Variants in TAF15 observed in about 807,000 individuals in gnomAD.
TAF15 encodes the protein TATA-binding protein-associated factor 2N.
A neutral mutation model predicts 102.5 loss-of-function variants in TAF15; 37 were observed. The observed-to-expected ratio is 0.36, with a 90% CI of 0.28 to 0.47. The LOEUF is 0.47. Among genes scored for constraint, TAF15 ranks in the 20% least tolerant of loss-of-function variants. TAF15 has a pLI of 0.99. For missense variants in TAF15, 652 were observed against 760.7 expected, an observed-to-expected ratio of 0.86 and a Z score of 1.68; for synonymous variants, 273 against 259.2, an observed-to-expected ratio of 1.05 and a Z score of -0.51.
rs766115217 is a variant in TAF15, at chr17:35,819,540, T to G, written c.48-484T>G. On this transcript the variant is annotated intron_variant, in intron 2 of 15. Coordinates refer to ENST00000605844, the MANE Select transcript of TAF15 (RefSeq NM_139215.3). ...TATTGAGACTTTTAAACTGGACTTC[T>G]AGTGCCTCCCTGTGCATCTTTTAGG... is the stretch of plus-strand genomic sequence containing the variant. 1.6e-4 allele frequency among the ~76,000 whole-genome samples: 24 copies of G among 152,200 alleles called. 1 individual carries two copies. The highest frequency in any genetic ancestry group is 1.2e-3 in the South Asian group (6 of 4,832).
intron 11 of TAF15, among the ~76,000 whole-genome samples, chr17:35,839,016 A>C (rs1352431804): frequency 6.6e-6 from 1 of 152,068 alleles, no homozygotes; most frequent in Non-Finnish European, 1.5e-5. Context: ...CTATAATCCC[A>C]GTGCTTTGGG....
intron 7 of TAF15, among the ~76,000 whole-genome samples, chr17:35,827,788 G>C (rs532644242): frequency 1.3e-5 from 2 of 152,288 alleles, no homozygotes; most frequent in Admixed American, 1.3e-4. Flanking sequence ...CTTACAGATG[G>C]TGTGATTGCC....
intron 12 of TAF15, among the ~76,000 whole-genome samples, chr17:35,842,711 C>T (rs1198501452): frequency 6.6e-6 from 1 of 151,852 alleles, no homozygotes; most frequent in Non-Finnish European, 1.5e-5. Context: ...ACTTGGAAAT[C>T]AGGAGGCAAT....
At chr17:35,843,812 C>T (rs1346442151) in intron 12 of TAF15, among the ~76,000 whole-genome samples, 1 of 152,158 alleles carries the variant, frequency 6.6e-6, no homozygotes, top group Non-Finnish European at 1.5e-5. Context: ...GGAAGGGATA[C>T]TCAACCTGTA....
intron 11 of TAF15, among the ~76,000 whole-genome samples, chr17:35,839,370 CTTT>C (rs562461506): frequency 5.7e-5 from 3 of 52,412 alleles, no homozygotes; most frequent in African/African-American, 1.8e-4. Context: ...AAGAAATAGA[CTTT>C]TTTTTTTTTT....
intron 7 of TAF15, among the ~76,000 whole-genome samples, chr17:35,833,289 A>G (rs1396034100): frequency 6.6e-6 from 1 of 152,194 alleles, no homozygotes; most frequent in Middle Eastern, 3.2e-3. Flanking sequence ...TATAGTGGGT[A>G]TAGAGTAGGA....
chr17:35,839,193 A>T (rs2087511258), intron 11 of TAF15, among the ~76,000 whole-genome samples: 1 of 148,496 alleles, frequency 6.7e-6, no homozygotes, highest in African/African-American at 2.5e-5. Flanking sequence ...AGGTGGGAGG[A>T]TCACTTGGGC....
chr17:35,838,347 A>G (rs1363927002), intron 10 of TAF15, 77 bp from the exon 11 acceptor site: 18 of 1,584,342 alleles, frequency 1.1e-5, no homozygotes, highest in Admixed American at 1.7e-5. Context: ...TAAAAAAAAT[A>G]AATCTTTGAT....
At position 35,820,332 on chromosome 17, in the gene TAF15, G is replaced by T. The variant is rs1233999736; in HGVS notation, c.185G>T (p.Gly62Val). The T allele has an allele frequency of 3.1e-6, 5 of 1,613,872 alleles. No individual in the cohort carries two copies. Among genetic ancestry groups the T allele is most frequent in the Non-Finnish European group, 4.2e-6 (5 of 1,179,866 alleles). Reference protein sequence around the residue: ...GYSSYGQSQSGYSQSYGGYEN... With the variant: ...GYSSYGQSQSVYSQSYGGYEN... Reference sequence around the variant, plus strand: ...AATGATATACTCATCTAATCTTTAGGTTATTCACAGTCCTATGGTGGTTAT... The same window carrying T: ...AATGATATACTCATCTAATCTTTAGTTTATTCACAGTCCTATGGTGGTTAT... Residue 62 changes from glycine (G) to valine (V), a missense_variant and splice_region_variant, in exon 5 of 16, where the codon GGT becomes GTT. By Grantham distance (109) the Gly-to-Val change is moderately radical (BLOSUM62 -3). This residue lies in a region of TAF15 where 243 missense variants were observed against 284.1 expected (regional missense o/e 0.86). Coordinates refer to ENST00000605844, the MANE Select transcript of TAF15 (RefSeq NM_139215.3).
intron 6 of TAF15, chr17:35,823,644 G>T (rs1262500210): frequency 1.0e-5 from 2 of 197,178 alleles, no homozygotes; most frequent in Non-Finnish European, 1.0e-5. Context: ...GGCAGAGCTT[G>T]CAGTGAGCCG....
chr17:35,811,037 G>T (rs952218661), intron 1 of TAF15: 2 of 152,178 alleles, frequency 1.3e-5, no homozygotes, highest in African/African-American at 4.8e-5. Flanking sequence ...CTCCTTAGAA[G>T]TTCTTATAGT....
intron 1 of TAF15, among the ~76,000 whole-genome samples, chr17:35,812,755 G>C (rs1443910461): frequency 6.6e-6 from 1 of 152,088 alleles, no homozygotes; most frequent in Non-Finnish European, 1.5e-5. Context: ...AATAGGATTA[G>C]AGCCTCTAAC....
chr17:35,824,078 A>T lies in TAF15; in HGVS notation c.485A>T (p.Asp162Val). ...QRENYSHHTQ[D>V]DRRDVSRYGE... is the part of the protein sequence containing the mutation. ...GTGTGTAATATTTTCTTTTTTGTAGATGACCGTCGTGATGTGAGTAGGTAT... is the reference window on the plus strand; with the variant it reads ...GTGTGTAATATTTTCTTTTTTGTAGTTGACCGTCGTGATGTGAGTAGGTAT... The change falls in exon 7 of 16, where the codon GAT becomes GTT. Residue 162 changes from aspartate to valine, a missense_variant and splice_region_variant. Coordinates refer to ENST00000605844, the MANE Select transcript of TAF15 (RefSeq NM_139215.3). 1 of 1,614,120 alleles carries T rather than the reference A, an allele frequency of 6.2e-7. No homozygotes were observed. Among genetic ancestry groups the T allele is most frequent in the East Asian group, 2.2e-5 (1 of 44,874 alleles).
Position 35,824,075 on chromosome 17 carries a change from T to C in TAF15, c.485-3T>C, listed in dbSNP as rs2087296636. The C allele has an allele frequency of 2.5e-6, 4 of 1,614,126 alleles. No individual in the cohort carries two copies. The East Asian group carries it at 8.9e-5, about 36-fold the overall frequency. On this transcript the variant is annotated splice_region_variant and splice_polypyrimidine_tract_variant and intron_variant, in intron 6 of 15. Transcript: ENST00000605844. Reference sequence around the variant, plus strand: ...TTTGTGTGTAATATTTTCTTTTTTGTAGATGACCGTCGTGATGTGAGTAGG... The same window carrying C: ...TTTGTGTGTAATATTTTCTTTTTTGCAGATGACCGTCGTGATGTGAGTAGG...
Position 35,844,111 on chromosome 17 carries a change from A to G in TAF15, c.1041A>G (p.Gln347=), listed in dbSNP as rs764442141. 5.0e-6 allele frequency: 8 copies of G among 1,613,928 alleles called. No homozygotes were observed. The highest frequency in any genetic ancestry group is 2.2e-5 in the East Asian group (1 of 44,892). The change falls in exon 13 of 16, where the codon CAA becomes CAG. Residue 347 remains glutamine (Q), a synonymous_variant. Transcript: ENST00000605844. ...RGGYRGRGGF[Q]GRGGDPKSGD... ...GATATAGAGGTCGTGGAGGCTTTCAAGGGAGAGGTGGAGACCCCAAAAGTG... is the reference window on the plus strand; with the variant it reads ...GATATAGAGGTCGTGGAGGCTTTCAGGGGAGAGGTGGAGACCCCAAAAGTG...
intron 12 of TAF15, 86 bp from the exon 13 acceptor site, chr17:35,843,991 G>GTATC (rs1245446097): frequency 1.8e-6 from 2 of 1,140,002 alleles, no homozygotes; most frequent in Non-Finnish European, 2.7e-6. Context: ...GTATTGATGG[G>GTATC]TATCTACTCT....
In TAF15 at chr17:35,834,947, T is replaced by C. The variant is rs577453663; in HGVS notation, c.673+349T>C. ...TTTTAGTAGAGGCAGGGTTTCACCA[T>C]GCTGGCCAGGCTGGTCTTGAACTCC... On this transcript the variant is annotated intron_variant, in intron 9 of 15. Transcript: ENST00000605844. Among the ~76,000 whole-genome samples the C allele has an allele frequency of 6.6e-5, 10 of 152,122 alleles. No individual in the cohort carries two copies. The South Asian group carries it at 2.1e-3, about 32-fold the overall frequency.
chr17:35,813,609 C>G (rs972911030), intron 1 of TAF15, among the ~76,000 whole-genome samples: 1 of 150,412 alleles, frequency 6.6e-6, no homozygotes, highest in Admixed American at 6.7e-5. Flanking sequence ...GCACTTCAGC[C>G]TTGGCAACAG....
Position 35,844,690 on chromosome 17 carries a change from G to C in TAF15, c.1391G>C (p.Gly464Ala). The change falls in exon 15 of 16, where the codon GGT becomes GCT. Residue 464 changes from glycine (G) to alanine (A), a missense_variant. By Grantham distance (60) the Gly-to-Ala change is moderately conservative. Around this residue, in one of 3 missense-constraint regions of TAF15, gnomAD observed 368 missense variants for 367.5 expected, o/e 1.00. Transcript: ENST00000605844. ...GGTGGGGACAGAGGCGGCGGCTATG[G>C]TGGGGACAGAGGAGGCGGCTATGGA... ...GYGGDRGGGY[G>A]GDRGGGYGGD... 2 of 1,602,634 alleles carry C rather than the reference G, an allele frequency of 1.2e-6. No individual in the cohort carries two copies. Among genetic ancestry groups the C allele is most frequent in the East Asian group, 4.6e-5 (2 of 43,424 alleles).
Sources: gnomAD v4.1 joint callset for allele counts (sites outside exome capture counted in the v4.1 genomes callset) on GRCh38, gnomAD v4.1.1 for gene constraint, gnomAD v4.1.1 regional missense constraint, MANE v1.5 for transcripts, NCBI Gene and HGNC (gene_info 2026-07-23, HGNC 2026-07-21) for gene names.